ASTN2: variants seen among roughly 807,000 people sequenced by gnomAD.
ASTN2 encodes astrotactin-2.
Under a neutral mutation model 139.8 loss-of-function variants are expected in ASTN2, and 54 were observed. That is an observed-to-expected ratio of 0.39 (90% CI 0.31 to 0.48). The LOEUF is 0.48. Among genes scored for constraint, ASTN2 ranks in the 20% least tolerant of loss-of-function variants. The pLI, the probability that ASTN2 is intolerant of heterozygous loss-of-function variation, is 0.95. For synonymous variants in ASTN2, 756 were observed against 719.5 expected (o/e 1.05, Z -0.81); for missense variants, 1,565 against 1,725.1 (o/e 0.91, Z 1.64).
chr9:117,178,812 G>A (rs201880863), intron 3 of ASTN2, among the ~76,000 whole-genome samples: 15 of 152,164 alleles, frequency 9.9e-5, no homozygotes, highest in Non-Finnish European at 1.6e-4. Context: ...TGCATAGAGC[G>A]GCACCAGCCC....
chr9:116,753,316 A>G (rs927163837), intron 13 of ASTN2, among the ~76,000 whole-genome samples: 2 of 152,240 alleles, frequency 1.3e-5, no homozygotes, highest in African/African-American at 4.8e-5. Context: ...CTATAGAGAC[A>G]GTGAAAAGAT....
intron 2 of ASTN2, among the ~76,000 whole-genome samples, chr9:117,237,973 G>T (rs2133068068): frequency 6.6e-6 from 1 of 152,284 alleles, no homozygotes; most frequent in East Asian, 1.9e-4. Context: ...ACACACAGTT[G>T]TCTTTCCCAA....
intron 10 of ASTN2, among the ~76,000 whole-genome samples, chr9:116,964,256 T>TGCGCGCGC (rs1289773313): frequency 6.0e-4 from 59 of 98,910 alleles, no homozygotes; most frequent in African/African-American, 1.6e-3. Flanking sequence ...TGTGTGTGTG[T>TGCGCGCGC]GCGCGCGCGC....
Position 116,976,725 on chromosome 9 carries a change from C to A in ASTN2, c.1652G>T (p.Arg551Leu). Residue 551 changes from arginine to leucine, a missense_variant, in exon 8 of 23, where the codon CGC becomes CTC. Around this residue, in one of 4 missense-constraint regions of ASTN2, gnomAD observed 503 missense variants for 591.7 expected, o/e 0.85. Coordinates refer to ENST00000313400, the MANE Select transcript of ASTN2 (RefSeq NM_001365068.1). The part of the protein sequence containing the change: ...PDPVHRHLCV[R>L]SDWGQSEGPW... ...CCCTTCACTCTGTCCCCAGTCACTG[C>A]GCACACACAGGTGTCTGTGAACAGG... The A allele has an allele frequency of 1.2e-6, 2 of 1,614,042 alleles. No individual in the cohort carries two copies. The highest frequency in any genetic ancestry group is 1.7e-6 in the Non-Finnish European group (2 of 1,179,950).
intron 11 of ASTN2, among the ~76,000 whole-genome samples, chr9:116,839,398 T>A (rs1332025651): frequency 6.6e-6 from 1 of 152,148 alleles, no homozygotes; most frequent in Non-Finnish European, 1.5e-5. Context: ...CATTTAAGTA[T>A]ATGATTCAGT....
intron 19 of ASTN2, among the ~76,000 whole-genome samples, chr9:116,521,691 GAAAC>G (rs1254484492): frequency 2.6e-5 from 4 of 152,040 alleles, no homozygotes; most frequent in African/African-American, 9.7e-5. Flanking sequence ...CACAGCAAAA[GAAAC>G]AATCAGCAGA....
At chr9:116,520,313 G>A (rs891760676) in intron 19 of ASTN2, among the ~76,000 whole-genome samples, 1 of 152,108 alleles carries the variant, frequency 6.6e-6, no homozygotes, top group African/African-American at 2.4e-5. Flanking sequence ...TGATCAAGTG[G>A]ATTTCATGCA....
In ASTN2 at chr9:116,497,873, A is replaced by G. The variant is rs543438459; in HGVS notation, c.3356-10373T>C. On this transcript the variant is annotated intron_variant, in intron 19 of 22. Coordinates refer to ENST00000313400, the MANE Select transcript of ASTN2 (RefSeq NM_001365068.1). ...TTTTAAAATTCCATTCCCAAATGTT[A>G]TATCATTGTAAAGTGGAAAGAACCA... 6.5e-4 allele frequency among the ~76,000 whole-genome samples: 99 copies of G among 152,254 alleles called. 1 individual carries two copies. Among genetic ancestry groups the G allele is most frequent in the Admixed American group, 6.0e-3 (91 of 15,280 alleles).
chr9:117,005,631 C>A (rs1244691495), intron 7 of ASTN2, among the ~76,000 whole-genome samples: 4 of 152,176 alleles, frequency 2.6e-5, no homozygotes, highest in East Asian at 1.9e-4. Flanking sequence ...TCTTTCCCAC[C>A]TAGCAGATGG....
chr9:117,151,111 C>T (rs1301179408), intron 3 of ASTN2, among the ~76,000 whole-genome samples: 1 of 152,110 alleles, frequency 6.6e-6, no homozygotes, highest in African/African-American at 2.4e-5. Context: ...GGTCCTCCCA[C>T]TTCAGCCTCT....
At chr9:117,034,314 G>T (rs966336523) in intron 6 of ASTN2, among the ~76,000 whole-genome samples, 4 of 152,260 alleles carry the variant, frequency 2.6e-5, no homozygotes, top group African/African-American at 9.6e-5. Context: ...TTCTCAATGA[G>T]GCTAACTGCA....
chr9:117,172,567 T>G (rs1830819989), intron 3 of ASTN2, among the ~76,000 whole-genome samples: 1 of 152,148 alleles, frequency 6.6e-6, no homozygotes, highest in African/African-American at 2.4e-5. Flanking sequence ...TGAGGTAATA[T>G]AGAGAGGAAA....
Position 117,414,853 on chromosome 9 carries a change from G to T in ASTN2, c.86C>A (p.Pro29Gln). 9.0e-7 allele frequency: 1 copy of T among 1,109,394 alleles called. No homozygotes were observed. Among genetic ancestry groups the T allele is most frequent in the Non-Finnish European group, 1.1e-6 (1 of 895,826 alleles). 68.7% of individuals were successfully genotyped at this position (1,109,394 alleles called of 1,614,324 possible). ...RPRLCFHPGP[P>Q]PLLPLLLLFL... ...CAGCAGCAGCAGCGGCAGCAGTGGC[G>T]GCGGCCCCGGGTGGAAGCAGAGCCT... is the stretch of plus-strand genomic sequence containing the variant. The change falls in exon 1 of 23, where the codon CCG becomes CAG. Residue 29 changes from proline to glutamine, a missense_variant. Transcript: ENST00000313400. This position sits in a 1 kb window ranked among gnomAD's most constrained non-coding sequence, Gnocchi z 4.2.
rs539649798 is a variant in ASTN2 at position 116,424,806 on chromosome 9, C to G, written c.*1045G>C. Reference sequence around the variant, plus strand: ...GTTTCACCACATTAGCCAGGCTGGTCTCAAACTCCTGGCCTCAAGTGATCC... The same window carrying G: ...GTTTCACCACATTAGCCAGGCTGGTGTCAAACTCCTGGCCTCAAGTGATCC... On this transcript the variant is annotated 3_prime_UTR_variant, in exon 23 of 23. Coordinates refer to ENST00000313400, the MANE Select transcript of ASTN2 (RefSeq NM_001365068.1). Among the ~76,000 whole-genome samples, 1 of 152,194 alleles carries G rather than the reference C, an allele frequency of 6.6e-6. No individual in the cohort carries two copies. Among genetic ancestry groups the G allele is most frequent in the African/African-American group, 2.4e-5 (1 of 41,520 alleles).
At chr9:117,135,068 C>T (rs886268202) in intron 4 of ASTN2, among the ~76,000 whole-genome samples, 2 of 152,222 alleles carry the variant, frequency 1.3e-5, no homozygotes, top group African/African-American at 4.8e-5. Context: ...ACTGATGACA[C>T]AGAAACACTG....
intron 6 of ASTN2, among the ~76,000 whole-genome samples, chr9:117,035,179 C>G (rs1301560146): frequency 6.6e-6 from 1 of 152,066 alleles, no homozygotes; most frequent in East Asian, 1.9e-4. Flanking sequence ...GGCTTTGGTC[C>G]CTGGGAGACC....
chr9:117,032,565 C>T (rs1430873087), intron 6 of ASTN2, among the ~76,000 whole-genome samples: 2 of 152,150 alleles, frequency 1.3e-5, no homozygotes, highest in African/African-American at 2.4e-5. Flanking sequence ...GTGTCATTTT[C>T]CCTTCTAAGA....
chr9:117,412,451 C>A (rs774430626), intron 1 of ASTN2, among the ~76,000 whole-genome samples: 12 of 152,296 alleles, frequency 7.9e-5, no homozygotes, highest in African/African-American at 2.4e-4. Flanking sequence ...TCTAATTCCT[C>A]GCTCAGGTCC....
chr9:117,362,670 C>A (rs1829725475), intron 1 of ASTN2, among the ~76,000 whole-genome samples: 1 of 152,134 alleles, frequency 6.6e-6, no homozygotes, highest in South Asian at 2.1e-4. Context: ...TGATGTTTGA[C>A]TATAAACAGC....
Sources: gnomAD v4.1 joint callset for allele counts (sites outside exome capture counted in the v4.1 genomes callset) on GRCh38, gnomAD v4.1.1 for gene constraint, gnomAD v4.1.1 regional missense constraint, Gnocchi (gnomAD v3.1) non-coding constraint, MANE v1.5 for transcripts, NCBI Gene and HGNC (gene_info 2026-07-23, HGNC 2026-07-21) for gene names.